PRRC1: variants seen among roughly 807,000 people sequenced by gnomAD.
PRRC1 encodes the protein proline rich coiled-coil 1.
Under a neutral mutation model 40.7 loss-of-function variants are expected in PRRC1, and 39 were observed. The ratio of observed to expected loss-of-function variants is 0.96; its 90% confidence interval spans 0.74 to 1.25. The LOEUF (loss-of-function observed/expected upper bound fraction) is 1.25, where lower values mean the gene tolerates loss of function less well. Among genes scored for constraint, PRRC1 ranks in the 50% most tolerant of loss-of-function variants. The pLI is 0.00. For synonymous variants in PRRC1, 175 were observed against 193.3 expected (o/e 0.91, Z 0.79); for missense variants, 573 against 548.3 (o/e 1.05, Z -0.45).
chr5:127,526,630 C>A lies in PRRC1; in HGVS notation c.506C>A (p.Thr169Asn), dbSNP rs199998747. ...SAPSGTGLLP[T>N]PITQQASLTS... ...TGCCATTGATTAGGTCTTTTGCCAA[C>A]TCCTATTACTCAGCAAGCCAGTTTG... The change falls in exon 4 of 9, where the codon ACT becomes AAT. Residue 169 changes from threonine (T) to asparagine (N), a missense_variant. Transcript: ENST00000296666. 66 of 1,607,208 alleles carry A rather than the reference C, an allele frequency of 4.1e-5. No individual in the cohort carries two copies. Among genetic ancestry groups the A allele is most frequent in the Middle Eastern group, 1.7e-4 (1 of 6,056 alleles).
chr5:127,519,841 C>T (rs144892926), intron 1 of PRRC1, among the ~76,000 whole-genome samples: 2,275 of 152,288 alleles, frequency 0.015, 15 homozygotes, highest in Non-Finnish European at 0.022. Flanking sequence ...ATGTCAAAGA[C>T]TAAACATTTT....
At chr5:127,530,253 C>T (rs1452038600) in intron 4 of PRRC1, 41 bp from the exon 5 acceptor site, 1 of 1,551,738 alleles carries the variant, frequency 6.4e-7, no homozygotes, top group Admixed American at 1.7e-5. Flanking sequence ...TGGTGTTCCT[C>T]ACTTAGAGTG....
chr5:127,548,037 CATTTTTCTTTTAGT>C, intron 8 of PRRC1, 116 bp downstream of exon 8: 1 of 771,382 alleles, frequency 1.3e-6, no homozygotes, highest in Admixed American at 2.0e-5. Flanking sequence ...TTGTTTCAGT[CATTTTTCTTTTAGT>C]ATTTTTCTTT....
In PRRC1 at chr5:127,524,629, C is replaced by A; in HGVS notation, c.202C>A (p.Pro68Thr). The A allele has an allele frequency of 6.2e-7, 1 of 1,614,144 alleles. No individual in the cohort carries two copies. The highest frequency in any genetic ancestry group is 8.5e-7 in the Non-Finnish European group (1 of 1,180,012). Residue 68 changes from proline (P) to threonine (T), a missense_variant, in exon 3 of 9, where the codon CCT (proline) becomes ACT (threonine). Coordinates refer to ENST00000296666, the MANE Select transcript of PRRC1 (RefSeq NM_130809.5). ...TCAGCCGCCCCTTCCTCCTGTGAGGCCTTCAGCACCATTACCTTTTGTGCC... is the reference window on the plus strand; with the variant it reads ...TCAGCCGCCCCTTCCTCCTGTGAGGACTTCAGCACCATTACCTTTTGTGCC... ...TPQPPLPPVR[P>T]SAPLPFVPPP...
At chr5:127,540,287 G>A (rs1393556579) in intron 7 of PRRC1, among the ~76,000 whole-genome samples, 1 of 151,876 alleles carries the variant, frequency 6.6e-6, no homozygotes, top group Non-Finnish European at 1.5e-5. Flanking sequence ...ATTACAATAT[G>A]CCTTTTTGAT....
At chr5:127,547,250 G>A (rs2127116488) in intron 7 of PRRC1, among the ~76,000 whole-genome samples, 1 of 152,118 alleles carries the variant, frequency 6.6e-6, no homozygotes, top group South Asian at 2.1e-4. Context: ...CTCTTTAAAT[G>A]AAGAGAAGTT....
At chr5:127,530,138 T>G (rs552609821) in intron 4 of PRRC1, among the ~76,000 whole-genome samples, 156 bp from the exon 5 acceptor site, 2 of 152,336 alleles carry the variant, frequency 1.3e-5, no homozygotes, top group African/African-American at 4.8e-5. Context: ...TTTAGAAACT[T>G]AATAGCAATT....
At chr5:127,531,348 T>A (rs1379827996) in intron 5 of PRRC1, among the ~76,000 whole-genome samples, 3 of 152,196 alleles carry the variant, frequency 2.0e-5, no homozygotes, top group Admixed American at 6.5e-5. Context: ...GCCACTTTGC[T>A]TCCCTTGTAG....
intron 7 of PRRC1, among the ~76,000 whole-genome samples, chr5:127,541,458 C>T (rs866994494): frequency 3.9e-4 from 59 of 151,946 alleles, no homozygotes; most frequent in African/African-American, 1.3e-3. Context: ...GGTACCAGTT[C>T]CTCCTTGTAC....
intron 4 of PRRC1, among the ~76,000 whole-genome samples, chr5:127,528,424 C>G (rs1353372095): frequency 6.6e-6 from 1 of 152,110 alleles, no homozygotes; most frequent in Non-Finnish European, 1.5e-5. Flanking sequence ...AAGCAATTCT[C>G]CTACCTCAGC....
intron 7 of PRRC1, among the ~76,000 whole-genome samples, chr5:127,544,203 C>T (rs1039082835): frequency 9.2e-5 from 14 of 152,286 alleles, no homozygotes; most frequent in East Asian, 1.9e-4. Context: ...TCGTGAACCG[C>T]GAATGCTGCT....
chr5:127,529,923 C>T (rs1050817847), intron 4 of PRRC1, among the ~76,000 whole-genome samples: 4 of 151,836 alleles, frequency 2.6e-5, no homozygotes, highest in Non-Finnish European at 5.9e-5. Context: ...CTGATTGGGA[C>T]CTTTATTTGG....
chr5:127,530,270 T>A, intron 4 of PRRC1, 24 bp from the exon 5 acceptor site: 1 of 1,598,052 alleles, frequency 6.3e-7, no homozygotes, highest in East Asian at 2.2e-5. Context: ...AGTGAATACT[T>A]ACATATTGAT....
chr5:127,522,704 A>G (rs942629980), intron 1 of PRRC1, among the ~76,000 whole-genome samples: 3 of 151,030 alleles, frequency 2.0e-5, no homozygotes, highest in Non-Finnish European at 4.4e-5. Context: ...TTTTTTTTTT[A>G]TGTTAATGGG....
At chr5:127,547,590 T>G (rs944038883) in intron 7 of PRRC1, among the ~76,000 whole-genome samples, 3 of 152,108 alleles carry the variant, frequency 2.0e-5, no homozygotes, top group African/African-American at 7.2e-5. Context: ...ATGATAAGTA[T>G]TTTTAAATTT....
At chr5:127,533,230 A>T (rs2127100796) in intron 5 of PRRC1, among the ~76,000 whole-genome samples, 1 of 152,308 alleles carries the variant, frequency 6.6e-6, no homozygotes, top group East Asian at 1.9e-4. Flanking sequence ...TAGGTTAAAA[A>T]GTATATTTCA....
At chr5:127,533,901 T>C (rs780707583) in intron 6 of PRRC1, 115 bp downstream of exon 6, 2 of 1,153,594 alleles carry the variant, frequency 1.7e-6, no homozygotes, top group Non-Finnish European at 2.6e-6. Flanking sequence ...GAAATAACAA[T>C]GAACTTTGCT....
rs143589506 is a variant in PRRC1 at position 127,524,870 on chromosome 5, G to A, written c.443G>A (p.Arg148Lys). The change falls in exon 3 of 9, where the codon AGA becomes AAA. Residue 148 changes from arginine to lysine, a missense_variant. By Grantham distance (26) the Arg-to-Lys change is conservative. Coordinates refer to ENST00000296666, the MANE Select transcript of PRRC1 (RefSeq NM_130809.5). ...GACATTACAAGGGGACATGCTGGGA[G>A]AGCTCCCCAGACACCCCTGATGCCA... Reference protein sequence around the residue: ...TYDITRGHAGRAPQTPLMPSF... With the variant: ...TYDITRGHAGKAPQTPLMPSF... 1,031 of 1,613,974 alleles carry A rather than the reference G, an allele frequency of 6.4e-4. 6 individuals carry two copies. In the East Asian group the frequency reaches 8.3e-3, roughly 13 times the overall value.
At chr5:127,532,361 C>G (rs1015215967) in intron 5 of PRRC1, among the ~76,000 whole-genome samples, 1 of 152,150 alleles carries the variant, frequency 6.6e-6, no homozygotes, top group Non-Finnish European at 1.5e-5. Flanking sequence ...CCCGCCTAGG[C>G]CTCCCAAAGT....
Sources: allele counts gnomAD v4.1 joint callset (sites outside exome capture counted in the v4.1 genomes callset), GRCh38; gene constraint gnomAD v4.1.1; transcripts MANE v1.5; gene names NCBI Gene and HGNC (gene_info 2026-07-23, HGNC 2026-07-21).